MACROD2: variants seen among roughly 807,000 people sequenced by gnomAD.
The protein encoded by MACROD2 is mono-ADP ribosylhydrolase 2.
Under a neutral mutation model 70.4 loss-of-function variants are expected in MACROD2, and 36 were observed. The observed-to-expected ratio is 0.51, with a 90% CI of 0.39 to 0.68. The LOEUF is 0.68. Ranked by LOEUF, MACROD2 falls within the 30% of genes least tolerant of loss-of-function variation. The pLI is 0.00. For missense variants in MACROD2, 496 were observed against 538.4 expected (o/e 0.92, Z 0.78); for synonymous variants, 172 against 178.8 (o/e 0.96, Z 0.30).
rs544074350 is a variant in MACROD2, at chr20:15,932,692, A to G, written c.776-584A>G. Among the ~76,000 whole-genome samples, 242 of 152,330 alleles carry G rather than the reference A, an allele frequency of 1.6e-3. 1 individual carries two copies. The highest frequency in any genetic ancestry group is 6.8e-3 in the Middle Eastern group (2 of 294). ...TATAGTAGCTATTTTAAGAAAAAAG[A>G]AAGTTTCAGATAGTTGCTAATATAC... On this transcript the variant is annotated intron_variant, in intron 10 of 17. Transcript: ENST00000684519.
At chr20:13,998,379 C>G (rs2052690110) in intron 1 of MACROD2, among the ~76,000 whole-genome samples, 2 of 152,054 alleles carry the variant, frequency 1.3e-5, no homozygotes, top group South Asian at 4.2e-4. Context: ...CACACTTCAA[C>G]TTTTAAATAA....
chr20:14,606,893 T>G (rs973581351), intron 4 of MACROD2, among the ~76,000 whole-genome samples: 1 of 152,198 alleles, frequency 6.6e-6, no homozygotes, highest in Non-Finnish European at 1.5e-5. Context: ...AATAAACTTT[T>G]GTTGTGTAAG....
At chr20:14,813,827 T>C (rs1413916270) in intron 5 of MACROD2, among the ~76,000 whole-genome samples, 1 of 152,010 alleles carries the variant, frequency 6.6e-6, no homozygotes, top group African/African-American at 2.4e-5. Flanking sequence ...CCACTTAACC[T>C]TCAGCCTTCC....
At chr20:14,546,803 A>G (rs1308784192) in intron 4 of MACROD2, among the ~76,000 whole-genome samples, 2 of 152,188 alleles carry the variant, frequency 1.3e-5, no homozygotes, top group Middle Eastern at 3.2e-3. Context: ...ATCATTACAA[A>G]TAATAGCCAT....
intron 7 of MACROD2, among the ~76,000 whole-genome samples, chr20:15,476,680 A>C (rs2047026831): frequency 6.6e-6 from 1 of 152,076 alleles, no homozygotes; most frequent in Non-Finnish European, 1.5e-5. Context: ...CTATTCATTC[A>C]ATTGGATTGC....
At chr20:15,173,207 T>C (rs2076436021) in intron 5 of MACROD2, among the ~76,000 whole-genome samples, 1 of 152,138 alleles carries the variant, frequency 6.6e-6, no homozygotes. Context: ...TTATCTAATA[T>C]ATAATTAATT....
rs112594082 is a variant in MACROD2 at position 15,693,795 on chromosome 20, G to T, written c.646-168950G>T. On this transcript the variant is annotated intron_variant, in intron 8 of 17. Transcript: ENST00000684519. ...TAACTTCTGTAGTGGTGATTTTTGAGATTTTGGTGCACATATCGCCTGAGC... is the reference window on the plus strand; with the variant it reads ...TAACTTCTGTAGTGGTGATTTTTGATATTTTGGTGCACATATCGCCTGAGC... Among the ~76,000 whole-genome samples, 288 of 152,152 alleles carry T rather than the reference G, an allele frequency of 1.9e-3. 6 individuals are homozygous for T. The highest frequency in any genetic ancestry group is 6.4e-3 in the African/African-American group (265 of 41,496).
In MACROD2 at chr20:14,882,870, A is replaced by C. The variant is rs549656806; in HGVS notation, c.418+197911A>C. On this transcript the variant is annotated intron_variant, in intron 5 of 17. Transcript: ENST00000684519. ...ATTCAAGAAGGACTTAAGTATGTAG[A>C]CCTTATGTAACAGATGTAAGAAACA... Among the ~76,000 whole-genome samples, 20 of 152,278 alleles carry C rather than the reference A, an allele frequency of 1.3e-4. No individual in the cohort carries two copies. In the South Asian group the frequency reaches 3.1e-3, roughly 24 times the overall value.
intron 5 of MACROD2, among the ~76,000 whole-genome samples, chr20:15,185,619 T>C (rs1209293966): frequency 6.6e-6 from 1 of 152,164 alleles, no homozygotes; most frequent in Non-Finnish European, 1.5e-5. Flanking sequence ...TACTACATAA[T>C]TAATTTATAA....
intron 5 of MACROD2, among the ~76,000 whole-genome samples, chr20:14,720,337 T>G (rs2071449638): frequency 6.6e-6 from 1 of 152,074 alleles, no homozygotes; most frequent in South Asian, 2.1e-4. Context: ...AATTTATGTA[T>G]TTCCTCTTCT....
intron 5 of MACROD2, among the ~76,000 whole-genome samples, chr20:14,702,895 T>C (rs2071224192): frequency 6.6e-6 from 1 of 151,222 alleles, no homozygotes; most frequent in African/African-American, 2.4e-5. Flanking sequence ...ACCCTGCTAA[T>C]TTTTGTATTT....
chr20:15,317,637 A>C (rs1399330826), intron 6 of MACROD2, among the ~76,000 whole-genome samples: 1 of 152,024 alleles, frequency 6.6e-6, no homozygotes, highest in Non-Finnish European at 1.5e-5. Context: ...TATAAGTTCC[A>C]GTCCAATGGC....
intron 15 of MACROD2, among the ~76,000 whole-genome samples, chr20:16,013,223 G>A (rs2066886571): frequency 6.6e-6 from 1 of 152,134 alleles, no homozygotes; most frequent in Admixed American, 6.5e-5. Context: ...TCAAAATCTA[G>A]GAAGAGAAGA....
Position 16,049,887 on chromosome 20 carries a change from C to A in MACROD2, c.*11C>A. On this transcript the variant is annotated 3_prime_UTR_variant, in exon 18 of 18. Transcript: ENST00000684519. ...AATGGAACTAAATGACAATCCTCAG[C>A]ATCGCAAGGCCTCTCCTGGCTCTGG... The A allele has an allele frequency of 6.4e-7, 1 of 1,568,140 alleles. No homozygotes were observed. The highest frequency in any genetic ancestry group is 1.1e-5 in the South Asian group (1 of 90,186).
chr20:14,920,571 C>T (rs1454222828), intron 5 of MACROD2, among the ~76,000 whole-genome samples: 1 of 152,030 alleles, frequency 6.6e-6, no homozygotes, highest in African/African-American at 2.4e-5. Context: ...TTATTGAAGA[C>T]AGAACTTTTT....
intron 5 of MACROD2, among the ~76,000 whole-genome samples, chr20:15,041,883 T>A (rs1186402951): frequency 1.3e-5 from 2 of 152,190 alleles, no homozygotes; most frequent in Non-Finnish European, 2.9e-5. Flanking sequence ...AATGTTTGAA[T>A]TTAACATAGA....
chr20:14,958,385 C>T (rs1600873649), intron 5 of MACROD2, among the ~76,000 whole-genome samples: 2 of 152,284 alleles, frequency 1.3e-5, no homozygotes, highest in South Asian at 4.1e-4. Flanking sequence ...TGTTTCCTTT[C>T]CGTTCAGATT....
intron 3 of MACROD2, among the ~76,000 whole-genome samples, chr20:14,426,517 A>T (rs1288147803): frequency 6.6e-6 from 1 of 152,078 alleles, no homozygotes; most frequent in African/African-American, 2.4e-5. Flanking sequence ...CTTTCCTCAG[A>T]TGTCTTGTAG....
intron 5 of MACROD2, among the ~76,000 whole-genome samples, chr20:15,129,101 T>G (rs897816008): frequency 5.9e-5 from 9 of 152,076 alleles, no homozygotes; most frequent in African/African-American, 2.2e-4. Context: ...AGTCAAATTA[T>G]GTATTTACAT....
Sources: allele counts gnomAD v4.1 joint callset (sites outside exome capture counted in the v4.1 genomes callset), GRCh38; gene constraint gnomAD v4.1.1; transcripts MANE v1.5; gene names NCBI Gene and HGNC (gene_info 2026-07-23, HGNC 2026-07-21).